NAPRT: variants seen among roughly 807,000 people sequenced by gnomAD.
NAPRT encodes FHA-HIT-interacting protein.
A neutral mutation model predicts 60.7 loss-of-function variants in NAPRT; 66 were observed. The observed-to-expected ratio is 1.09, with a 90% confidence interval of 0.89 to 1.33. NAPRT has a LOEUF of 1.33. Ranked by LOEUF, NAPRT falls within the 40% of genes most tolerant of loss-of-function variation. The pLI is 0.00. For missense variants in NAPRT, 818 were observed against 731.5 expected (o/e 1.12, Z -1.36); for synonymous variants, 405 against 335.7 (o/e 1.21, Z -2.26).
Position 143,576,519 on chromosome 8 carries a change from T to C in NAPRT, c.935A>G (p.Tyr312Cys), listed in dbSNP as rs532722317. ...GTCCAGCCTCACGCCCACTGCCCGG[T>C]AGCCCAGCTCTCCCAGGGCCAGGGC... ...AVALALGELG[Y>C]RAVGVRLDSG... Residue 312 changes from tyrosine to cysteine, a missense_variant, in exon 7 of 13, where the codon TAC becomes TGC. Physicochemically the swap from Tyr to Cys is radical, Grantham distance 194. Coordinates refer to ENST00000449291, the MANE Select transcript of NAPRT (RefSeq NM_145201.6). 73 of 1,612,418 alleles carry C rather than the reference T, an allele frequency of 4.5e-5. No homozygotes were observed. The Admixed American group carries it at 6.3e-4, about 14-fold the overall frequency.
Position 143,576,414 on chromosome 8 carries a change from C to T in NAPRT, c.1022+18G>A, listed in dbSNP as rs1258759187. ...CGGGGATCTCCCACCAGGCACACCTCCTCCCCGGGAAACTCACTGGGCTGC... is the reference window on the plus strand; with the variant it reads ...CGGGGATCTCCCACCAGGCACACCTTCTCCCCGGGAAACTCACTGGGCTGC... On this transcript the variant is annotated intron_variant, in intron 7 of 12. Coordinates refer to ENST00000449291, the MANE Select transcript of NAPRT (RefSeq NM_145201.6). 1.3e-6 allele frequency: 2 copies of T among 1,591,078 alleles called. No homozygotes were observed. Among genetic ancestry groups the T allele is most frequent in the Non-Finnish European group, 8.6e-7 (1 of 1,166,268 alleles).
chr8:143,573,768 A>G (rs917946618), downstream of NAPRT: 31 of 152,262 alleles, frequency 2.0e-4, no homozygotes, highest in African/African-American at 6.0e-4. Flanking sequence ...TGTTCTGTCC[A>G]ATGTGTGTGA....
chr8:143,576,745 AC>A lies in NAPRT; in HGVS notation c.781del (p.Val261CysfsTer41), dbSNP rs1488964283. 1.2e-6 allele frequency: 2 copies of A among 1,605,890 alleles called. No homozygotes were observed. The highest frequency in any genetic ancestry group is 1.3e-5 in the African/African-American group (1 of 74,748). ...EQVCAHLGLG[V>X]QEPHPGERAA... ...CCGCTCGCCTGGATGCGGCTCCTGC[AC>A]CCCCAGCCCCAGGTGGGCACACACC... On this transcript the variant is annotated frameshift_variant, in exon 6 of 13. Coordinates refer to ENST00000449291, the MANE Select transcript of NAPRT (RefSeq NM_145201.6). LOFTEE classifies it high-confidence loss of function.
rs1172201325 is a variant in NAPRT, at chr8:143,575,223, G to A, written c.1414C>T (p.Pro472Ser). ...TGCTGGAGGCAGAGCCGCAGTAGTG[G>A]CTCCACCTGGGCTGGCCTCACGGTG... ...PCTVRPAQVEPLLRLCLQQGQ... is the reference protein window; with the variant it reads ...PCTVRPAQVESLLRLCLQQGQ... Residue 472 changes from proline to serine, a missense_variant, in exon 11 of 13, where the codon CCA (proline) becomes TCA (serine). Coordinates refer to ENST00000449291, the MANE Select transcript of NAPRT (RefSeq NM_145201.6). 5 of 1,611,628 alleles carry A rather than the reference G, an allele frequency of 3.1e-6. No individual in the cohort carries two copies. Among genetic ancestry groups the A allele is most frequent in the Non-Finnish European group, 2.5e-6 (3 of 1,179,614 alleles).
chr8:143,576,320 G>C (rs760460253), intron 7 of NAPRT, 112 bp downstream of exon 7: 1 of 1,454,904 alleles, frequency 6.9e-7, no homozygotes, highest in Non-Finnish European at 9.3e-7. Flanking sequence ...TCCCTGCCAC[G>C]GCCTGCAGTA....
At chr8:143,575,395 G>A (rs1257574636) in intron 10 of NAPRT, 28 bp downstream of exon 10, 1 of 1,594,158 alleles carries the variant, frequency 6.3e-7, no homozygotes, top group South Asian at 1.1e-5. Flanking sequence ...TTTGAAGGTG[G>A]ACAGCAGGGG....
chr8:143,578,269 A>C lies in NAPRT; in HGVS notation c.50T>G (p.Leu17Arg). Residue 17 changes from leucine (L) to arginine (R), a missense_variant, in exon 1 of 13, where the codon CTC becomes CGC. Physicochemically the swap from Leu to Arg is moderately radical, Grantham distance 102 (BLOSUM62 -2). Coordinates refer to ENST00000449291, the MANE Select transcript of NAPRT (RefSeq NM_145201.6). Reference sequence around the variant, plus strand: ...CATGGTGGCCTGGTAGAGGTCAGTGAGCAGCGGCCGCGCCGCCGCGCGCGC... The same window carrying C: ...CATGGTGGCCTGGTAGAGGTCAGTGCGCAGCGGCCGCGCCGCCGCGCGCGC... ...PEARAAARPL[L>R]TDLYQATMAL... The C allele has an allele frequency of 7.0e-7, 1 of 1,425,938 alleles. No homozygotes were observed. The allele number at this position is 1,425,938 out of a possible 1,614,324, so 88.3% of individuals were successfully genotyped here.
At chr8:143,575,723 C>A (rs1268573205) in intron 8 of NAPRT, 21 bp from the exon 9 acceptor site, 1 of 1,541,700 alleles carries the variant, frequency 6.5e-7, no homozygotes, top group Admixed American at 1.9e-5. Flanking sequence ...AAGGGGGTGG[C>A]CGTGAGCCCA....
rs768085460 is a variant in NAPRT, at chr8:143,575,486, C to T, written c.1228G>A (p.Glu410Lys). 2.8e-5 allele frequency: 45 copies of T among 1,599,514 alleles called. No homozygotes were observed. The highest frequency in any genetic ancestry group is 1.5e-4 in the Admixed American group (9 of 59,828). The change falls in exon 10 of 13, where the codon GAG becomes AAG. Residue 410 changes from glutamate to lysine, a missense_variant. Transcript: ENST00000449291. ...GGCAACGTCTGCTTCTCGGGGTCCT[C>T]GGTCAGCTTCATTCGTGGCTGGCCC... Reference protein sequence around the residue: ...VGGQPRMKLTEDPEKQTLPGS... With the variant: ...VGGQPRMKLTKDPEKQTLPGS...
In NAPRT at chr8:143,577,267, AC is replaced by A; in HGVS notation, c.568+1del. On this transcript the variant is annotated splice_donor_variant, in intron 4 of 12. Coordinates refer to ENST00000449291, the MANE Select transcript of NAPRT (RefSeq NM_145201.6). LOFTEE classifies it high-confidence loss of function. ...TTGCCTTGCCCCGCACCAGACACTC[AC>A]CGCCCAGGTAGCTGTAGGTGGAGGC... 1 of 1,608,668 alleles carries A rather than the reference AC, an allele frequency of 6.2e-7. No homozygotes were observed. Among genetic ancestry groups the A allele is most frequent in the Non-Finnish European group, 8.5e-7 (1 of 1,177,638 alleles).
At chr8:143,577,561 C>A in intron 3 of NAPRT, 96 bp downstream of exon 3, 1 of 1,487,730 alleles carries the variant, frequency 6.7e-7, no homozygotes, top group Non-Finnish European at 9.0e-7. Flanking sequence ...CCTGGGACCC[C>A]TGGGCAGCCA....
At position 143,575,152 on chromosome 8, in the gene NAPRT, C is replaced by G; in HGVS notation, c.1446+39G>C. 1.9e-6 allele frequency: 3 copies of G among 1,583,036 alleles called. No homozygotes were observed. In the African/African-American group the frequency reaches 4.0e-5, roughly 21 times the overall value. Reference sequence around the variant, plus strand: ...GGCTAGCTCCCAGTCAGGGCTCTACCGGGGCTGGGGGTCAGGATGAGGGCG... The same window carrying G: ...GGCTAGCTCCCAGTCAGGGCTCTACGGGGGCTGGGGGTCAGGATGAGGGCG... On this transcript the variant is annotated intron_variant, in intron 11 of 12. Coordinates refer to ENST00000449291, the MANE Select transcript of NAPRT (RefSeq NM_145201.6).
chr8:143,575,782 G>A (rs1824405938), intron 8 of NAPRT, 80 bp from the exon 9 acceptor site: 1 of 691,932 alleles, frequency 1.4e-6, no homozygotes, highest in Admixed American at 3.9e-5. Flanking sequence ...TGGGGAAGGA[G>A]GTGGCACTGC....
rs1191844405 is a variant in NAPRT, at chr8:143,577,047, AGAG to A, written c.684+12_684+14del. 1 of 1,609,736 alleles carries A rather than the reference AGAG, an allele frequency of 6.2e-7. No individual in the cohort carries two copies. The highest frequency in any genetic ancestry group is 8.5e-7 in the Non-Finnish European group (1 of 1,177,284). ...CTGTCGCCTGGAGACAGCAGGGTTTAGAGGAGGGACTGACCGGGTCAGGGGGCA... is the reference window on the plus strand; with the variant it reads ...CTGTCGCCTGGAGACAGCAGGGTTTAGAGGGACTGACCGGGTCAGGGGGCA... On this transcript the variant is annotated intron_variant, in intron 5 of 12. Transcript: ENST00000449291.
chr8:143,576,112 A>G lies in NAPRT; in HGVS notation c.1073T>C (p.Ile358Thr), dbSNP rs758506503. 1.2e-6 allele frequency: 2 copies of G among 1,606,036 alleles called. No homozygotes were observed. The highest frequency in any genetic ancestry group is 1.7e-6 in the Non-Finnish European group (2 of 1,175,164). ...ESVLIVVSNN[I>T]DEEALARLAQ... ...CAGTCGGGCCAGCGCCTCCTCGTCAATGTTGTTGCTGACTACGATGAGGAC... is the reference window on the plus strand; with the variant it reads ...CAGTCGGGCCAGCGCCTCCTCGTCAGTGTTGTTGCTGACTACGATGAGGAC... Residue 358 changes from isoleucine (I) to threonine (T), a missense_variant, in exon 8 of 13, where the codon ATT becomes ACT. By Grantham distance (89) the Ile-to-Thr change is moderately conservative. Transcript: ENST00000449291.
Position 143,575,213 on chromosome 8 carries a change from C to T in NAPRT, c.1424G>A (p.Arg475Gln), listed in dbSNP as rs759515320. Residue 475 changes from arginine to glutamine, a missense_variant, in exon 11 of 13, where the codon CGG (arginine) becomes CAG (glutamine). Physicochemically the swap from Arg to Gln is conservative, Grantham distance 43. Transcript: ENST00000449291. ...CACCTGTCCCTGCTGGAGGCAGAGC[C>T]GCAGTAGTGGCTCCACCTGGGCTGG... ...VRPAQVEPLL[R>Q]LCLQQGQLCE... 21 of 1,611,320 alleles carry T rather than the reference C, an allele frequency of 1.3e-5. No homozygotes were observed. Among genetic ancestry groups the T allele is most frequent in the East Asian group, 4.5e-5 (2 of 44,808 alleles).
chr8:143,576,888 G>A (rs768055774), intron 5 of NAPRT, 46 bp from the exon 6 acceptor site: 6 of 1,548,972 alleles, frequency 3.9e-6, no homozygotes, highest in Non-Finnish European at 4.4e-6. Context: ...AATGCAGGAT[G>A]AGGCCTGGGA....
rs375574845 is a variant in NAPRT at position 143,577,759 on chromosome 8, C to T, written c.355-20G>A. Reference sequence around the variant, plus strand: ...CGGCACCTGCGGGGAGAGAAGTCAGCTCCGCGCTCGGCCCAGCACCCCGTG... The same window carrying T: ...CGGCACCTGCGGGGAGAGAAGTCAGTTCCGCGCTCGGCCCAGCACCCCGTG... On this transcript the variant is annotated intron_variant, in intron 2 of 12. Coordinates refer to ENST00000449291, the MANE Select transcript of NAPRT (RefSeq NM_145201.6). 263 of 1,559,508 alleles carry T rather than the reference C, an allele frequency of 1.7e-4. No homozygotes were observed. In the African/African-American group the frequency reaches 3.1e-3, roughly 19 times the overall value.
intron 12 of NAPRT, 24 bp from the exon 13 acceptor site, chr8:143,574,924 C>A: frequency 1.3e-6 from 2 of 1,550,454 alleles, no homozygotes; most frequent in Non-Finnish European, 8.7e-7. Flanking sequence ...AGGACAGGAG[C>A]GGTGGGCAGG....
Sources: gnomAD v4.1 joint callset for allele counts on GRCh38, gnomAD v4.1.1 for gene constraint, MANE v1.5 for transcripts, NCBI Gene and HGNC (gene_info 2026-07-23, HGNC 2026-07-21) for gene names.